CCDC178: variants seen among roughly 807,000 people sequenced by gnomAD.
CCDC178 encodes coiled-coil domain-containing protein 178.
Under a neutral mutation model 117.4 loss-of-function variants are expected in CCDC178, and 126 were observed. The ratio of observed to expected loss-of-function variants is 1.07; its 90% confidence interval spans 0.93 to 1.24. The LOEUF (loss-of-function observed/expected upper bound fraction) is 1.24, where lower values mean the gene tolerates loss of function less well. Among genes scored for constraint, CCDC178 ranks in the 50% most tolerant of loss-of-function variants. The pLI is 0.00. For missense variants in CCDC178, 1,030 were observed against 986.9 expected, an observed-to-expected ratio of 1.04 and a Z score of -0.59; for synonymous variants, 283 against 313.4, an observed-to-expected ratio of 0.90 and a Z score of 1.02.
chr18:33,150,520 A>G (rs2058329053), intron 20 of CCDC178, among the ~76,000 whole-genome samples: 1 of 152,146 alleles, frequency 6.6e-6, no homozygotes, highest in South Asian at 2.1e-4. Flanking sequence ...TACGAGGAAC[A>G]CAAATCAGCA....
chr18:33,317,367 A>G (rs2062434320), intron 11 of CCDC178, among the ~76,000 whole-genome samples: 1 of 152,138 alleles, frequency 6.6e-6, no homozygotes, highest in South Asian at 2.1e-4. Context: ...ACCCACCAGA[A>G]GGAAGAAACT....
intron 21 of CCDC178, among the ~76,000 whole-genome samples, chr18:33,006,293 T>A (rs1320413835): frequency 6.6e-6 from 1 of 152,082 alleles, no homozygotes; most frequent in African/African-American, 2.4e-5. Context: ...CTAATTTACC[T>A]ACACAGTCAC....
At chr18:33,386,109 T>C (rs1216984733) in intron 5 of CCDC178, among the ~76,000 whole-genome samples, 3 of 152,094 alleles carry the variant, frequency 2.0e-5, no homozygotes. Context: ...AAGAAATGGA[T>C]ACATTCCTGG....
intron 2 of CCDC178, among the ~76,000 whole-genome samples, chr18:33,428,730 CAAA>C (rs35234261): frequency 1.2e-4 from 5 of 42,372 alleles, no homozygotes; most frequent in Non-Finnish European, 2.2e-4. Context: ...GACTCTGTCT[CAAA>C]AAAAAAAAAA....
chr18:33,364,402 T>TATA (rs1421446603), intron 6 of CCDC178, among the ~76,000 whole-genome samples: 4 of 152,018 alleles, frequency 2.6e-5, no homozygotes, highest in African/African-American at 9.7e-5. Context: ...AGATACTAAA[T>TATA]ATAGACAACT....
intron 21 of CCDC178, among the ~76,000 whole-genome samples, chr18:32,992,268 C>G (rs1390587118): frequency 6.6e-6 from 1 of 152,070 alleles, no homozygotes; most frequent in Non-Finnish European, 1.5e-5. Flanking sequence ...TATCAAATCT[C>G]TAAGATTTTG....
At chr18:33,316,470 C>G (rs573681634) in intron 11 of CCDC178, among the ~76,000 whole-genome samples, 25 of 152,188 alleles carry the variant, frequency 1.6e-4, no homozygotes, top group Non-Finnish European at 3.1e-4. Context: ...CACCCCTCCC[C>G]CCACACGCCG....
At chr18:33,302,259 T>C (rs1289554051) in intron 11 of CCDC178, among the ~76,000 whole-genome samples, 2 of 152,192 alleles carry the variant, frequency 1.3e-5, no homozygotes, top group African/African-American at 4.8e-5. Flanking sequence ...ACCATGTTTG[T>C]ACAGTGTGAA....
At chr18:33,293,762 A>G (rs2062068831) in intron 11 of CCDC178, among the ~76,000 whole-genome samples, 1 of 152,196 alleles carries the variant, frequency 6.6e-6, no homozygotes, top group Admixed American at 6.6e-5. Context: ...TAACTTGACA[A>G]TTTCTAAAAA....
rs562945239 is a variant in CCDC178 at position 32,976,468 on chromosome 18, G to T, written c.2389-1787C>A. ...TGTATTACCTAATGTATGCATCAAT[G>T]ATTTAAATAATATTAATTAAATTTG... On this transcript the variant is annotated intron_variant, in intron 21 of 22. Coordinates refer to ENST00000383096, the MANE Select transcript of CCDC178 (RefSeq NM_001105528.4). Among the ~76,000 whole-genome samples the T allele has an allele frequency of 1.2e-3, 190 of 152,164 alleles. 1 individual carries two copies. The highest frequency in any genetic ancestry group is 4.2e-3 in the African/African-American group (173 of 41,542).
chr18:33,191,864 G>A (rs1443876996), intron 20 of CCDC178, among the ~76,000 whole-genome samples: 1 of 152,012 alleles, frequency 6.6e-6, no homozygotes, highest in South Asian at 2.1e-4. Context: ...AAATTATTTT[G>A]AGTGATGATA....
intron 21 of CCDC178, among the ~76,000 whole-genome samples, chr18:33,067,531 T>G (rs1294580036): frequency 6.6e-6 from 1 of 151,940 alleles, no homozygotes; most frequent in Non-Finnish European, 1.5e-5. Flanking sequence ...CTAAACAAAA[T>G]AGAGAACAAA....
At chr18:33,297,441 A>G (rs1263063707) in intron 11 of CCDC178, among the ~76,000 whole-genome samples, 2 of 152,186 alleles carry the variant, frequency 1.3e-5, no homozygotes, top group African/African-American at 4.8e-5. Context: ...TAGATTAACA[A>G]AGAAAAAAAG....
intron 20 of CCDC178, among the ~76,000 whole-genome samples, chr18:33,167,902 T>TAAA (rs1568030253): frequency 7.3e-6 from 1 of 136,818 alleles, no homozygotes; most frequent in Non-Finnish European, 1.6e-5. Flanking sequence ...AAATAAATAA[T>TAAA]AAAAGTGTCT....
intron 14 of CCDC178, among the ~76,000 whole-genome samples, chr18:33,252,915 T>C (rs1001826081): frequency 3.3e-5 from 5 of 151,906 alleles, no homozygotes; most frequent in East Asian, 1.9e-4. Flanking sequence ...AAAATGACTA[T>C]ATAGAAATTC....
chr18:33,382,380 T>C (rs1255478044), intron 5 of CCDC178, among the ~76,000 whole-genome samples: 2 of 152,080 alleles, frequency 1.3e-5, no homozygotes, highest in Non-Finnish European at 2.9e-5. Flanking sequence ...ACGCATCCAA[T>C]TGACAGGAGC....
At chr18:33,355,538 G>A (rs1275331574) in intron 7 of CCDC178, among the ~76,000 whole-genome samples, 2 of 152,208 alleles carry the variant, frequency 1.3e-5, no homozygotes, top group Non-Finnish European at 2.9e-5. Flanking sequence ...CCAGAAGTAA[G>A]ATTAGGATCT....
intron 20 of CCDC178, among the ~76,000 whole-genome samples, chr18:33,171,157 A>G (rs2058594722): frequency 6.6e-6 from 1 of 152,226 alleles, no homozygotes; most frequent in Admixed American, 6.5e-5. Context: ...TAAAAGAGCA[A>G]TAGATAAGCA....
chr18:33,245,377 C>T lies in CCDC178; in HGVS notation c.1461G>A (p.Met487Ile), dbSNP rs1410665273. 1 of 1,591,192 alleles carries T rather than the reference C, an allele frequency of 6.3e-7. No homozygotes were observed. The highest frequency in any genetic ancestry group is 1.8e-5 in the Admixed American group (1 of 55,896). ...YESEIKYLTI[M>I]KLKNDKHLKN... is the part of the protein sequence containing the mutation. ...TGAGATGTTTATCATTCTTTAACTTCATTATTGTCAAATATTTTATTTCAG... is the reference window on the plus strand; with the variant it reads ...TGAGATGTTTATCATTCTTTAACTTTATTATTGTCAAATATTTTATTTCAG... The change falls in exon 15 of 23, where the codon ATG becomes ATA. Residue 487 changes from methionine (M) to isoleucine (I), a missense_variant. Transcript: ENST00000383096.
Sources: allele counts gnomAD v4.1 joint callset (sites outside exome capture counted in the v4.1 genomes callset), GRCh38; gene constraint gnomAD v4.1.1; transcripts MANE v1.5; gene names NCBI Gene and HGNC (gene_info 2026-07-23, HGNC 2026-07-21).